The following STAC variants were observed in gnomAD, a reference collection of about 807,000 sequenced individuals.
STAC encodes the protein SH3 and cysteine-rich domain-containing protein.
A neutral mutation model predicts 48.8 loss-of-function variants in STAC; 43 were observed. That is an observed-to-expected ratio of 0.88 (90% CI 0.69 to 1.14). The LOEUF (loss-of-function observed/expected upper bound fraction) is 1.14. Ranked by LOEUF, STAC falls within the 50% of genes most tolerant of loss-of-function variation. The pLI is 0.00. For missense variants in STAC, 497 were observed against 504.0 expected, an observed-to-expected ratio of 0.99 and a Z score of 0.13; for synonymous variants, 193 against 179.5, an observed-to-expected ratio of 1.07 and a Z score of -0.60.
chr3:36,471,280 C>A (rs959329970), intron 2 of STAC, among the ~76,000 whole-genome samples: 8 of 152,120 alleles, frequency 5.3e-5, no homozygotes, highest in African/African-American at 1.9e-4. Flanking sequence ...AAGACCAGCC[C>A]CCATGTTTCA....
intron 1 of STAC, among the ~76,000 whole-genome samples, chr3:36,416,403 T>TTTGAGGCTTCAGTGAGCCATGAGC (rs1700320325): frequency 6.6e-6 from 1 of 152,172 alleles, no homozygotes; most frequent in Non-Finnish European, 1.5e-5. Flanking sequence ...AGCCCATGAG[T>TTTGAGGCTTCAGTGAGCCATGAGC]TTGAGGCTTC....
Position 36,493,217 on chromosome 3 carries a change from C to T in STAC, c.754C>T (p.Arg252Cys), listed in dbSNP as rs769980894. 26 of 1,613,124 alleles carry T rather than the reference C, an allele frequency of 1.6e-5. No individual in the cohort carries two copies. The highest frequency in any genetic ancestry group is 3.3e-5 in the Admixed American group (2 of 59,980). ...GPGGGYDLRK[R>C]SNSVFTYPEN... is the part of the protein sequence containing the mutation. ...AGGAGGCGGGTATGACCTAAGGAAA[C>T]GCAGCAACAGCGGTGAGTGAGGGAG... is the stretch of plus-strand genomic sequence containing the variant. Residue 252 changes from arginine (R) to cysteine (C), a missense_variant, in exon 6 of 11, where the codon CGC becomes TGC. Arg to Cys is a radical substitution (Grantham distance 180). Transcript: ENST00000273183.
chr3:36,477,160 T>C (rs1387581126), intron 2 of STAC, among the ~76,000 whole-genome samples: 1 of 152,232 alleles, frequency 6.6e-6, no homozygotes, highest in Non-Finnish European at 1.5e-5. Flanking sequence ...TTTCATCAAA[T>C]AAATTATAGG....
intron 10 of STAC, among the ~76,000 whole-genome samples, chr3:36,537,065 G>T (rs1699214930): frequency 1.3e-5 from 2 of 152,306 alleles, no homozygotes; most frequent in Admixed American, 1.3e-4. Context: ...TGATGAGGCT[G>T]TGGAGAAATA....
chr3:36,401,950 C>G (rs1700006153), intron 1 of STAC, among the ~76,000 whole-genome samples: 1 of 152,056 alleles, frequency 6.6e-6, no homozygotes, highest in African/African-American at 2.4e-5. Context: ...GATTTAGGTA[C>G]ATCATTTTAT....
intron 8 of STAC, among the ~76,000 whole-genome samples, chr3:36,506,988 T>G (rs144833474): frequency 1.9e-3 from 286 of 152,318 alleles, no homozygotes; most frequent in African/African-American, 6.5e-3. Flanking sequence ...AGAGAGGGCA[T>G]CCTTGTCTTG....
chr3:36,457,724 G>A (rs925576870), intron 2 of STAC, among the ~76,000 whole-genome samples: 1 of 152,174 alleles, frequency 6.6e-6, no homozygotes, highest in African/African-American at 2.4e-5. Context: ...TTCCCAGATG[G>A]TCGTGAGAAA....
At chr3:36,419,888 T>C (rs910129774) in intron 1 of STAC, among the ~76,000 whole-genome samples, 2 of 152,202 alleles carry the variant, frequency 1.3e-5, no homozygotes, top group Non-Finnish European at 1.5e-5. Flanking sequence ...ATTTGGGGCA[T>C]AGGTTTCTGT....
At chr3:36,498,818 T>G (rs1698215543) in intron 6 of STAC, among the ~76,000 whole-genome samples, 2 of 152,018 alleles carry the variant, frequency 1.3e-5, no homozygotes, top group Non-Finnish European at 2.9e-5. Flanking sequence ...TTGTGGAGAA[T>G]TTTCCAGAAT....
At chr3:36,406,798 GA>G (rs1299931866) in intron 1 of STAC, among the ~76,000 whole-genome samples, 1 of 152,214 alleles carries the variant, frequency 6.6e-6, no homozygotes, top group Non-Finnish European at 1.5e-5. Flanking sequence ...CTGAAAGCCT[GA>G]AACAGTTACT....
At chr3:36,493,994 C>CA (rs1322147947) in intron 6 of STAC, among the ~76,000 whole-genome samples, 4 of 149,980 alleles carry the variant, frequency 2.7e-5, no homozygotes, top group Admixed American at 6.6e-5. Flanking sequence ...ACTAAAAATA[C>CA]AAAAAAAATT....
chr3:36,399,798 A>G (rs1699964796), intron 1 of STAC, among the ~76,000 whole-genome samples: 1 of 152,198 alleles, frequency 6.6e-6, no homozygotes, highest in African/African-American at 2.4e-5. Context: ...TGGTCTCCCA[A>G]CTGACACTGA....
intron 2 of STAC, among the ~76,000 whole-genome samples, chr3:36,458,105 C>T (rs544499427): frequency 3.4e-4 from 52 of 152,236 alleles, no homozygotes; most frequent in African/African-American, 1.2e-3. Flanking sequence ...GGGGTCTTCA[C>T]ATTTTTAAAG....
chr3:36,506,066 C>T (rs1698395860), intron 8 of STAC: 1 of 348,772 alleles, frequency 2.9e-6, no homozygotes, highest in Non-Finnish European at 5.2e-6. Flanking sequence ...AAGGAGTTCC[C>T]AGGTGGCACT....
chr3:36,419,106 C>T (rs1049093122), intron 1 of STAC, among the ~76,000 whole-genome samples: 1 of 151,254 alleles, frequency 6.6e-6, no homozygotes, highest in Non-Finnish European at 1.5e-5. Flanking sequence ...ATTTGGTGCA[C>T]AATAACATAA....
In STAC at chr3:36,469,624, T is replaced by G. The variant is rs534802421; in HGVS notation, c.389-13368T>G. Among the ~76,000 whole-genome samples the G allele has an allele frequency of 2.0e-5, 3 of 152,366 alleles. No homozygotes were observed. In the South Asian group the frequency reaches 6.2e-4, roughly 32 times the overall value. ...CTTCTTGTATTCAGATGTCTAGATC[T>G]CTAGCAAGGCCAGGGAAGTTTTCCT... On this transcript the variant is annotated intron_variant, in intron 2 of 10. Coordinates refer to ENST00000273183, the MANE Select transcript of STAC (RefSeq NM_003149.3).
At chr3:36,481,502 C>A (rs1224851758) in intron 2 of STAC, among the ~76,000 whole-genome samples, 1 of 152,174 alleles carries the variant, frequency 6.6e-6, no homozygotes, top group African/African-American at 2.4e-5. Context: ...GGGACATCCT[C>A]ACTTTGGGTC....
chr3:36,398,447 G>T (rs1699918501), intron 1 of STAC, among the ~76,000 whole-genome samples: 1 of 118,158 alleles, frequency 8.5e-6, no homozygotes, highest in African/African-American at 3.2e-5. Context: ...AAGGAAGGAA[G>T]GAAGGAAGGA....
chr3:36,477,954 G>A (rs1697536472), intron 2 of STAC, among the ~76,000 whole-genome samples: 1 of 152,158 alleles, frequency 6.6e-6, no homozygotes, highest in African/African-American at 2.4e-5. Context: ...TAGTTCATGA[G>A]AATAGTTTAA....
Sources: gnomAD v4.1 joint callset for allele counts (sites outside exome capture counted in the v4.1 genomes callset) on GRCh38, gnomAD v4.1.1 for gene constraint, MANE v1.5 for transcripts, NCBI Gene and HGNC (gene_info 2026-07-23, HGNC 2026-07-21) for gene names.